The following PTPRF variants were observed in gnomAD, a reference collection of about 807,000 sequenced individuals.
PTPRF encodes the protein protein tyrosine phosphatase receptor type F, also known as receptor-type tyrosine-protein phosphatase F.
A neutral mutation model predicts 201.8 loss-of-function variants in PTPRF; 59 were observed. That is an observed-to-expected ratio of 0.29 (90% confidence interval 0.24 to 0.36). The LOEUF is 0.36. Ranked by LOEUF, PTPRF falls within the 10% of genes least tolerant of loss-of-function variation. The pLI is 1.00. For missense variants in PTPRF, 2,132 were observed against 2,690.5 expected (o/e 0.79, Z 4.59); for synonymous variants, 1,088 against 1,089.7 (o/e 1.00, Z 0.03).
Position 43,619,205 on chromosome 1 carries a change from G to A in PTPRF, c.4646+3G>A, listed in dbSNP as rs1235344950. The stretch of plus-strand genomic sequence containing the variant: ...GGGCCCATGGTGGTGCACTGCAGGT[G>A]AGAGGGTACAGTGCCACCCAGAGGG... On this transcript the variant is annotated splice_donor_region_variant and intron_variant, in intron 27 of 33. Transcript: ENST00000359947. 5 of 1,523,680 alleles carry A rather than the reference G, an allele frequency of 3.3e-6. No homozygotes were observed. Among genetic ancestry groups the A allele is most frequent in the South Asian group, 1.1e-5 (1 of 89,134 alleles). 94.4% of individuals were successfully genotyped at this position (1,523,680 alleles called of 1,614,324 possible). A position where few individuals can be genotyped will look rare whatever the true frequency, so the allele number is the denominator to read the frequency against.
chr1:43,619,466 A>G lies in PTPRF; in HGVS notation c.4825A>G (p.Thr1609Ala), dbSNP rs1344845933. Residue 1609 changes from threonine (T) to alanine (A), a missense_variant, in exon 28 of 34, where the codon ACG becomes GCG. By Grantham distance (58) the Thr-to-Ala change is moderately conservative. Transcript: ENST00000359947. The part of the protein sequence containing the change: ...FIHEALLEAA[T>A]CGHTEVPARN... The stretch of plus-strand genomic sequence containing the variant: ...CCATGAGGCGCTGCTGGAGGCTGCC[A>G]CGTGCGGCCACACAGAGGTGCCTGC... 1.2e-6 allele frequency: 2 copies of G among 1,614,046 alleles called. No homozygotes were observed. Among genetic ancestry groups the G allele is most frequent in the East Asian group, 2.2e-5 (1 of 44,882 alleles).
At chr1:43,540,172 T>G (rs1349472565) in intron 2 of PTPRF, among the ~76,000 whole-genome samples, 5 of 152,200 alleles carry the variant, frequency 3.3e-5, no homozygotes, top group Non-Finnish European at 1.5e-5. Context: ...TCCCCCTAGA[T>G]GCCAGTAGCA....
chr1:43,579,368 C>T, intron 7 of PTPRF: 1 of 380,610 alleles, frequency 2.6e-6, no homozygotes, highest in East Asian at 7.3e-5. Context: ...CACCATGGCT[C>T]TGGGCTTTGG....
In PTPRF at chr1:43,554,858, T is replaced by TTTC. The variant is rs1465093622; in HGVS notation, c.379+919_379+920insCTT. ...TTTTTTTCTTTTCTTTCTTTCTTTC[T>TTTC]TTTTTTTTTTTTGAGATGCAGTCTC... On this transcript the variant is annotated intron_variant, in intron 5 of 33. Coordinates refer to ENST00000359947, the MANE Select transcript of PTPRF (RefSeq NM_002840.5). The surrounding 1 kb of genome is among the most constrained non-coding windows in gnomAD (Gnocchi z 4.1). Among the ~76,000 whole-genome samples, 3 of 135,290 alleles carry TTTC rather than the reference T, an allele frequency of 2.2e-5. No homozygotes were observed. The highest frequency in any genetic ancestry group is 4.6e-5 in the Non-Finnish European group (3 of 64,764). 88.8% of individuals were successfully genotyped at this position (135,290 alleles called of 152,430 possible). A position where few individuals can be genotyped will look rare whatever the true frequency, so the allele number is the denominator to read the frequency against.
chr1:43,546,567 C>T lies in PTPRF; in HGVS notation c.91+1401C>T, dbSNP rs930556506. Among the ~76,000 whole-genome samples, 1 of 152,094 alleles carries T rather than the reference C, an allele frequency of 6.6e-6. No individual in the cohort carries two copies. Among genetic ancestry groups the T allele is most frequent in the South Asian group, 2.1e-4 (1 of 4,832 alleles). On this transcript the variant is annotated intron_variant, in intron 3 of 33. Coordinates refer to ENST00000359947, the MANE Select transcript of PTPRF (RefSeq NM_002840.5). This position sits in a 1 kb window ranked among gnomAD's most constrained non-coding sequence, Gnocchi z 4.2. The stretch of plus-strand genomic sequence containing the variant: ...GACATTGAAGTACTGTCCTTGCCCT[C>T]CCCGCCGACCCAACCCCAGGCACTT...
chr1:43,597,035 G>A (rs1258359711), intron 11 of PTPRF, among the ~76,000 whole-genome samples: 1 of 152,048 alleles, frequency 6.6e-6, no homozygotes, highest in African/African-American at 2.4e-5. Flanking sequence ...GACAGTATAT[G>A]TGCGAGACAG....
At position 43,569,758 on chromosome 1, in the gene PTPRF, G is replaced by A. The variant is rs771288963; in HGVS notation, c.548G>A (p.Arg183His). 2 of 1,611,428 alleles carry A rather than the reference G, an allele frequency of 1.2e-6. No homozygotes were observed. The highest frequency in any genetic ancestry group is 1.7e-6 in the Non-Finnish European group (2 of 1,178,358). ...LPVDPATSNG[R>H]IKQLRSGALQ... ...GTAGACCCTGCCACGAGCAACGGCC[G>A]CATCAAGCAGCTGCGTTCAGGTGAG... Residue 183 changes from arginine (R) to histidine (H), a missense_variant, in exon 6 of 34, where the codon CGC (arginine) becomes CAC (histidine). Physicochemically the swap from Arg to His is conservative, Grantham distance 29. Coordinates refer to ENST00000359947, the MANE Select transcript of PTPRF (RefSeq NM_002840.5).
chr1:43,607,792 C>T (rs2154027352), intron 21 of PTPRF, among the ~76,000 whole-genome samples: 2 of 152,350 alleles, frequency 1.3e-5, no homozygotes, highest in South Asian at 4.1e-4. Flanking sequence ...CAACAGCAAT[C>T]TCATCGTTCA....
chr1:43,603,317 C>T lies in PTPRF; in HGVS notation c.2341-99C>T, dbSNP rs1654236963. 5 of 1,057,144 alleles carry T rather than the reference C, an allele frequency of 4.7e-6. No homozygotes were observed. Among genetic ancestry groups the T allele is most frequent in the Admixed American group, 1.8e-5 (1 of 56,892 alleles). The allele number at this position is 1,057,144 out of a possible 1,614,324, so 65.5% of individuals were successfully genotyped here. On this transcript the variant is annotated intron_variant, in intron 14 of 33. Coordinates refer to ENST00000359947, the MANE Select transcript of PTPRF (RefSeq NM_002840.5). The surrounding 1 kb of genome is among the most constrained non-coding windows in gnomAD (Gnocchi z 5.8). ...CTTCCACAACCCCTGGCCTTGTGTG[C>T]CCCGGGGCTCCCCTCAGGCTAGGGT...
At chr1:43,573,866 C>T (rs1646736180) in intron 6 of PTPRF, among the ~76,000 whole-genome samples, 2 of 152,146 alleles carry the variant, frequency 1.3e-5, no homozygotes, top group Non-Finnish European at 2.9e-5. Context: ...GCTCCCACCC[C>T]CACCAAGTCC....
chr1:43,619,227 A>T (rs754976907), intron 27 of PTPRF, 25 bp downstream of exon 27: 1 of 452,200 alleles, frequency 2.2e-6, no homozygotes, highest in Non-Finnish European at 4.3e-6. Flanking sequence ...TGCCACCCAG[A>T]GGGGTGGGTG....
At chr1:43,596,705 G>A (rs1274148923) in intron 11 of PTPRF, among the ~76,000 whole-genome samples, 3 of 152,230 alleles carry the variant, frequency 2.0e-5, no homozygotes, top group Admixed American at 2.0e-4. Flanking sequence ...ACTCTTCCTC[G>A]GAAGAGCAGA....
At chr1:43,531,775 C>T (rs932568683) in intron 1 of PTPRF, among the ~76,000 whole-genome samples, 9 of 152,264 alleles carry the variant, frequency 5.9e-5, no homozygotes, top group African/African-American at 1.7e-4. Context: ...CGACCTGTCC[C>T]GTGAGGACGT....
rs1021305345 is a variant in PTPRF, at chr1:43,622,133, G to C, written c.*130G>C. 3 of 966,152 alleles carry C rather than the reference G, an allele frequency of 3.1e-6. No homozygotes were observed. The highest frequency in any genetic ancestry group is 4.8e-6 in the Non-Finnish European group (3 of 629,906). 59.8% of individuals were successfully genotyped at this position (966,152 alleles called of 1,614,324 possible). A position where few individuals can be genotyped will look rare whatever the true frequency, so the allele number is the denominator to read the frequency against. ...TCACTGGCAGAGCACAGCCCACGGG[G>C]ATCACAGCGTTTCAGGAACGTTGCC... is the stretch of plus-strand genomic sequence containing the variant. On this transcript the variant is annotated 3_prime_UTR_variant, in exon 34 of 34. Coordinates refer to ENST00000359947, the MANE Select transcript of PTPRF (RefSeq NM_002840.5).
rs367605602 is a variant in PTPRF at position 43,621,922 on chromosome 1, C to T, written c.5656-13C>T. The T allele has an allele frequency of 2.4e-4, 386 of 1,614,052 alleles. 1 individual carries two copies. In the African/African-American group the frequency reaches 4.2e-3, roughly 18 times the overall value. ...TGGCGCGACCCACACTGACCAGCCCCCTATCCTGGCAGGACCAGTATCAGC... is the reference window on the plus strand; with the variant it reads ...TGGCGCGACCCACACTGACCAGCCCTCTATCCTGGCAGGACCAGTATCAGC... On this transcript the variant is annotated splice_polypyrimidine_tract_variant and intron_variant, in intron 33 of 33. Transcript: ENST00000359947.
intron 7 of PTPRF, among the ~76,000 whole-genome samples, chr1:43,584,632 T>C (rs898577900): frequency 6.6e-6 from 1 of 152,198 alleles, no homozygotes; most frequent in Non-Finnish European, 1.5e-5. Flanking sequence ...TTCTAAATAT[T>C]CCAGGGGGAT....
chr1:43,541,487 T>C (rs114817970), intron 2 of PTPRF, among the ~76,000 whole-genome samples: 2,721 of 152,318 alleles, frequency 0.018, 80 homozygotes, highest in Middle Eastern at 0.061. Context: ...TGCCTGCTTC[T>C]TCCTTTTCCC....
intron 5 of PTPRF, among the ~76,000 whole-genome samples, chr1:43,559,112 C>T (rs768093490): frequency 6.6e-6 from 1 of 152,206 alleles, no homozygotes; most frequent in East Asian, 1.9e-4. Flanking sequence ...ATAACGTGCA[C>T]TGTTCGTGTG....
chr1:43,597,580 G>A (rs1021618873), intron 11 of PTPRF, among the ~76,000 whole-genome samples, 168 bp from the exon 12 acceptor site: 2 of 152,118 alleles, frequency 1.3e-5, no homozygotes, highest in South Asian at 2.1e-4. Context: ...GGAGTCAGGT[G>A]TCCTTGGCGA....
Sources: gnomAD v4.1 joint callset for allele counts (sites outside exome capture counted in the v4.1 genomes callset) on GRCh38, gnomAD v4.1.1 for gene constraint, Gnocchi (gnomAD v3.1) non-coding constraint, MANE v1.5 for transcripts, NCBI Gene and HGNC (gene_info 2026-07-23, HGNC 2026-07-21) for gene names.